Variants in AKT3 observed in about 807,000 individuals in gnomAD.
The protein encoded by AKT3 is RAC-gamma serine/threonine-protein kinase.
A neutral mutation model predicts 65.3 loss-of-function variants in AKT3; 15 were observed. The observed-to-expected ratio is 0.23, with a 90% CI of 0.15 to 0.35. The LOEUF is 0.35. Ranked by LOEUF, AKT3 falls within the 10% of genes least tolerant of loss-of-function variation. The pLI, the probability that AKT3 is intolerant of heterozygous loss-of-function variation, is 1.00. For synonymous variants in AKT3, 206 were observed against 183.8 expected, an observed-to-expected ratio of 1.12 and a Z score of -0.98; for missense variants, 243 against 576.5, an observed-to-expected ratio of 0.42 and a Z score of 5.92.
chr1:243,678,231 CAAAT>C (rs1394661099), intron 3 of AKT3, among the ~76,000 whole-genome samples: 1 of 152,062 alleles, frequency 6.6e-6, no homozygotes, highest in Non-Finnish European at 1.5e-5. Flanking sequence ...ATTCTAACTC[CAAAT>C]AAGTTAGCCT....
At chr1:243,784,680 C>G (rs953663021) in intron 2 of AKT3, among the ~76,000 whole-genome samples, 1 of 152,182 alleles carries the variant, frequency 6.6e-6, no homozygotes, top group African/African-American at 2.4e-5. Context: ...ATCTCCCTCA[C>G]GCTGGACACT....
In AKT3 at chr1:243,501,880, A is replaced by G; in HGVS notation, c.*3369T>C. On this transcript the variant is annotated 3_prime_UTR_variant, in exon 14 of 14. Coordinates refer to ENST00000673466, the MANE Select transcript of AKT3 (RefSeq NM_005465.7). The stretch of plus-strand genomic sequence containing the variant: ...ACAGTGTACAAAAACAGTTTCTCCT[A>G]GTTATTCCACATCCTTGTGGGTCAT... 1 of 232,766 alleles carries G rather than the reference A, an allele frequency of 4.3e-6. No homozygotes were observed. The highest frequency in any genetic ancestry group is 8.5e-6 in the Non-Finnish European group (1 of 117,784). The allele number at this position is 232,766 out of a possible 1,614,324, so 14.4% of individuals were successfully genotyped here. A position where few individuals can be genotyped will look rare whatever the true frequency, so the allele number is the denominator to read the frequency against.
intron 2 of AKT3, among the ~76,000 whole-genome samples, chr1:243,788,501 C>A (rs528670235): frequency 6.6e-6 from 1 of 152,312 alleles, no homozygotes; most frequent in South Asian, 2.1e-4. Flanking sequence ...TCTCTTATAT[C>A]AAATGGTATA....
Position 243,699,478 on chromosome 1 carries a change from T to C in AKT3, c.47-3762A>G, listed in dbSNP as rs1209663685. On this transcript the variant is annotated intron_variant, in intron 2 of 13. Transcript: ENST00000673466. The stretch of plus-strand genomic sequence containing the variant: ...CAACCTCTTCCACTATATATATATA[T>C]ATATATATATATATATATATATATA... Among the ~76,000 whole-genome samples the C allele has an allele frequency of 4.8e-4, 8 of 16,598 alleles. 1 individual carries two copies. The highest frequency in any genetic ancestry group is 8.7e-4 in the African/African-American group (8 of 9,202). 10.9% of individuals were successfully genotyped at this position (16,598 alleles called of 152,430 possible). A position where few individuals can be genotyped will look rare whatever the true frequency, so the allele number is the denominator to read the frequency against.
chr1:243,716,226 A>C (rs1349596171), intron 2 of AKT3, among the ~76,000 whole-genome samples: 1 of 152,156 alleles, frequency 6.6e-6, no homozygotes. Context: ...CTGTAAGAAA[A>C]TGTTCATAAA....
At chr1:243,781,693 TAGTA>T (rs371383117) in intron 2 of AKT3, among the ~76,000 whole-genome samples, 4 of 152,344 alleles carry the variant, frequency 2.6e-5, no homozygotes, top group African/African-American at 4.8e-5. Context: ...CTAATACCTT[TAGTA>T]AGTATCTATT....
chr1:243,676,467 T>G lies in AKT3; in HGVS notation c.173-11584A>C, dbSNP rs73124202. ...TCTGCATCGACTGACACCTGATGTC[T>G]GATGACTCTCAAACCTGCTTCTTCA... is the stretch of plus-strand genomic sequence containing the variant. On this transcript the variant is annotated intron_variant, in intron 3 of 13. Coordinates refer to ENST00000673466, the MANE Select transcript of AKT3 (RefSeq NM_005465.7). 3.4e-3 allele frequency among the ~76,000 whole-genome samples: 522 copies of G among 152,340 alleles called. 2 individuals carry two copies. Among genetic ancestry groups the G allele is most frequent in the African/African-American group, 0.012 (482 of 41,576 alleles).
At chr1:243,732,986 CAAGT>C (rs1199883899) in intron 2 of AKT3, among the ~76,000 whole-genome samples, 4 of 152,250 alleles carry the variant, frequency 2.6e-5, no homozygotes, top group Admixed American at 2.6e-4. Flanking sequence ...TTGATGCTTT[CAAGT>C]AAGCATTATG....
chr1:243,583,213 CAT>C (rs1553409165), intron 8 of AKT3, among the ~76,000 whole-genome samples: 6 of 136,738 alleles, frequency 4.4e-5, no homozygotes, highest in Admixed American at 1.5e-4. Flanking sequence ...CACACACACA[CAT>C]ATATCTTCCA....
intron 8 of AKT3, among the ~76,000 whole-genome samples, chr1:243,610,371 G>A (rs1572025176): frequency 1.3e-5 from 2 of 152,152 alleles, no homozygotes; most frequent in Non-Finnish European, 1.5e-5. Flanking sequence ...GGGTTATACC[G>A]TGAACAAGCC....
At chr1:243,580,436 A>ACATAAAACT (rs1675252355) in intron 8 of AKT3, among the ~76,000 whole-genome samples, 1 of 152,228 alleles carries the variant, frequency 6.6e-6, no homozygotes, top group African/African-American at 2.4e-5. Flanking sequence ...GAAAAAGAGC[A>ACATAAAACT]GGACAATGTT....
intron 3 of AKT3, among the ~76,000 whole-genome samples, chr1:243,668,990 C>T (rs1218987809): frequency 2.0e-5 from 3 of 151,974 alleles, no homozygotes; most frequent in East Asian, 3.9e-4. Context: ...ATATATATTC[C>T]ACAAAAAATA....
At chr1:243,562,992 C>A (rs115369288) in intron 10 of AKT3, among the ~76,000 whole-genome samples, 1 of 152,180 alleles carries the variant, frequency 6.6e-6, no homozygotes, top group Non-Finnish European at 1.5e-5. Flanking sequence ...AGCCACACCA[C>A]ACCCTTACAT....
At chr1:243,489,435 G>C (rs1665838295) in intron 13 of AKT3, among the ~76,000 whole-genome samples, 1 of 152,242 alleles carries the variant, frequency 6.6e-6, no homozygotes, top group Non-Finnish European at 1.5e-5. Context: ...GCGAGAGCAG[G>C]GAGAAGCGGG....
intron 3 of AKT3, among the ~76,000 whole-genome samples, chr1:243,684,441 A>G (rs1292403889): frequency 6.6e-6 from 1 of 152,064 alleles, no homozygotes; most frequent in Non-Finnish European, 1.5e-5. Context: ...GTTTGCTCAG[A>G]ATGATGGTTT....
chr1:243,520,303 C>T (rs889786925), intron 12 of AKT3, among the ~76,000 whole-genome samples: 1 of 152,198 alleles, frequency 6.6e-6, no homozygotes, highest in South Asian at 2.1e-4. Flanking sequence ...CTGCAAGCCA[C>T]GGACAGACAC....
chr1:243,726,188 T>C lies in AKT3; in HGVS notation c.47-30472A>G, dbSNP rs113527555. On this transcript the variant is annotated intron_variant, in intron 2 of 13. Coordinates refer to ENST00000673466, the MANE Select transcript of AKT3 (RefSeq NM_005465.7). ...ATAAATTTAGAATTCCAACTGGAGGTTAACCCACGCCCCAATATGTAAGCC... is the reference window on the plus strand; with the variant it reads ...ATAAATTTAGAATTCCAACTGGAGGCTAACCCACGCCCCAATATGTAAGCC... Among the ~76,000 whole-genome samples the C allele has an allele frequency of 1.9e-4, 29 of 152,258 alleles. 2 individuals carry two copies. The highest frequency in any genetic ancestry group is 7.0e-4 in the African/African-American group (29 of 41,552).
intron 2 of AKT3, among the ~76,000 whole-genome samples, chr1:243,713,399 A>G (rs1236869572): frequency 6.6e-6 from 1 of 152,204 alleles, no homozygotes; most frequent in African/African-American, 2.4e-5. Flanking sequence ...CAGGAAAACA[A>G]TGATAATTAG....
intron 1 of AKT3, among the ~76,000 whole-genome samples, chr1:243,846,358 TA>T (rs1178217884): frequency 2.6e-5 from 4 of 152,156 alleles, no homozygotes; most frequent in Non-Finnish European, 5.9e-5. Flanking sequence ...ATATAGGAAT[TA>T]TCTAATATAG....
Sources: gnomAD v4.1 joint callset for allele counts (sites outside exome capture counted in the v4.1 genomes callset) on GRCh38, gnomAD v4.1.1 for gene constraint, MANE v1.5 for transcripts, NCBI Gene and HGNC (gene_info 2026-07-23, HGNC 2026-07-21) for gene names.